Variants in FHIT observed in about 807,000 individuals in gnomAD.
FHIT encodes the protein bis(5'-adenosyl)-triphosphatase.
A neutral mutation model predicts 17.9 loss-of-function variants in FHIT; 19 were observed. That is an observed-to-expected ratio of 1.06 (90% CI 0.74 to 1.56). The LOEUF is 1.56. Among genes scored for constraint, FHIT ranks in the 40% most tolerant of loss-of-function variants. The pLI is 0.00. For synonymous variants in FHIT, 81 were observed against 69.7 expected (o/e 1.16, Z -0.81); for missense variants, 248 against 189.2 (o/e 1.31, Z -1.82).
chr3:60,374,859 C>T (rs979233128), intron 5 of FHIT, among the ~76,000 whole-genome samples: 2 of 151,804 alleles, frequency 1.3e-5, no homozygotes, highest in Non-Finnish European at 2.9e-5. Flanking sequence ...ATCACTGAAC[C>T]AGCCCTTGCA....
intron 5 of FHIT, among the ~76,000 whole-genome samples, chr3:60,111,235 C>G (rs914569369): frequency 2.0e-5 from 3 of 152,130 alleles, no homozygotes; most frequent in African/African-American, 7.2e-5. Context: ...TAGAGAAATT[C>G]ACTTATAAAT....
intron 5 of FHIT, among the ~76,000 whole-genome samples, chr3:60,173,905 A>T (rs1559698549): frequency 1.3e-5 from 1 of 75,164 alleles, no homozygotes; most frequent in Non-Finnish European, 2.4e-5. Context: ...ATATATATAT[A>T]TATATATATA....
intron 4 of FHIT, among the ~76,000 whole-genome samples, chr3:60,657,435 G>C (rs1282650455): frequency 6.6e-6 from 1 of 152,290 alleles, no homozygotes; most frequent in African/African-American, 2.4e-5. Context: ...GGCAAAATGA[G>C]CTCCTTGTCC....
At chr3:61,077,485 CA>C (rs544202019) in intron 2 of FHIT, among the ~76,000 whole-genome samples, 7 of 151,304 alleles carry the variant, frequency 4.6e-5, no homozygotes, top group South Asian at 2.1e-4. Context: ...AACAAACAAA[CA>C]AAAAAAAACA....
chr3:60,677,835 A>C (rs1181822049), intron 4 of FHIT, among the ~76,000 whole-genome samples: 1 of 152,066 alleles, frequency 6.6e-6, no homozygotes, highest in Non-Finnish European at 1.5e-5. Flanking sequence ...TATTGATTCA[A>C]TCTTACTATT....
chr3:60,228,230 A>G (rs1388012796), intron 5 of FHIT, among the ~76,000 whole-genome samples: 1 of 152,222 alleles, frequency 6.6e-6, no homozygotes, highest in Non-Finnish European at 1.5e-5. Context: ...GTATGATCCC[A>G]TTTATGTAAA....
chr3:59,978,400 T>C (rs574792532), intron 7 of FHIT, among the ~76,000 whole-genome samples: 2 of 152,102 alleles, frequency 1.3e-5, no homozygotes, highest in South Asian at 2.1e-4. Flanking sequence ...ATATCTACAA[T>C]ATTACTATGC....
At chr3:61,099,158 T>A (rs1437872600) in intron 2 of FHIT, among the ~76,000 whole-genome samples, 1 of 152,212 alleles carries the variant, frequency 6.6e-6, no homozygotes, top group East Asian at 1.9e-4. Flanking sequence ...AAAAGCCTTT[T>A]CTACATCTAT....
intron 5 of FHIT, among the ~76,000 whole-genome samples, chr3:60,328,427 G>A (rs1177833246): frequency 6.6e-6 from 1 of 152,212 alleles, no homozygotes; most frequent in Non-Finnish European, 1.5e-5. Flanking sequence ...CGAAGGAAGA[G>A]TAAAGGCATG....
rs554592631 is a variant in FHIT, at chr3:61,010,421, T to C, written c.-111+31626A>G. 4.6e-5 allele frequency among the ~76,000 whole-genome samples: 7 copies of C among 152,342 alleles called. No individual in the cohort carries two copies. The South Asian group carries it at 1.2e-3, about 27-fold the overall frequency. On this transcript the variant is annotated intron_variant, in intron 3 of 9. Transcript: ENST00000492590. The stretch of plus-strand genomic sequence containing the variant: ...TGCTTTACATGCATTCATTCATTTA[T>C]GTGACTCAACAATCCCATGTAATAA...
chr3:60,951,563 G>A (rs1376050939), intron 3 of FHIT, among the ~76,000 whole-genome samples: 1 of 152,224 alleles, frequency 6.6e-6, no homozygotes, highest in African/African-American at 2.4e-5. Flanking sequence ...GGACTGGAAT[G>A]CAGGTCTCTT....
chr3:60,898,690 AT>A (rs1553762460), intron 3 of FHIT, among the ~76,000 whole-genome samples: 1 of 152,136 alleles, frequency 6.6e-6, no homozygotes, highest in Non-Finnish European at 1.5e-5. Context: ...AGAGAAGAAC[AT>A]TTTTTTCACT....
At chr3:60,925,126 A>G (rs1707515157) in intron 3 of FHIT, among the ~76,000 whole-genome samples, 3 of 152,240 alleles carry the variant, frequency 2.0e-5, no homozygotes, top group Non-Finnish European at 4.4e-5. Context: ...CCAACTTGCA[A>G]AACACTCTGC....
At chr3:60,537,756 A>G (rs948264799) in intron 4 of FHIT, among the ~76,000 whole-genome samples, 18 of 152,186 alleles carry the variant, frequency 1.2e-4, no homozygotes, top group African/African-American at 4.1e-4. Flanking sequence ...TGACTTTTCA[A>G]TCAGGTGGAT....
intron 4 of FHIT, among the ~76,000 whole-genome samples, chr3:60,649,182 G>C (rs1451386457): frequency 6.6e-6 from 1 of 152,188 alleles, no homozygotes; most frequent in African/African-American, 2.4e-5. Context: ...TGGATCACCA[G>C]GTCAGGAGAT....
intron 5 of FHIT, among the ~76,000 whole-genome samples, chr3:60,352,508 A>T (rs761185654): frequency 3.3e-5 from 5 of 151,494 alleles, no homozygotes; most frequent in Non-Finnish European, 7.4e-5. Context: ...CTTTTTTAAA[A>T]TTTTTTTTTA....
intron 4 of FHIT, chr3:60,690,403 T>A (rs559719353): frequency 1.7e-6 from 1 of 579,554 alleles, no homozygotes; most frequent in African/African-American, 1.9e-5. Context: ...ACCATTTGCG[T>A]TGGGTCCAGC....
chr3:60,537,121 A>G, intron 4 of FHIT, 142 bp from the exon 5 acceptor site: 1 of 668,618 alleles, frequency 1.5e-6, no homozygotes. Context: ...TTGAATGTTC[A>G]CCAAGATGCA....
chr3:60,840,149 G>A (rs1230653638), intron 3 of FHIT, among the ~76,000 whole-genome samples: 4 of 152,056 alleles, frequency 2.6e-5, no homozygotes, highest in Non-Finnish European at 5.9e-5. Context: ...CATGAAAGTG[G>A]CCCATCAGAA....
Sources: allele counts gnomAD v4.1 joint callset (sites outside exome capture counted in the v4.1 genomes callset), GRCh38; gene constraint gnomAD v4.1.1; transcripts MANE v1.5; gene names NCBI Gene and HGNC (gene_info 2026-07-23, HGNC 2026-07-21).